The following SLC35F4 variants were observed in gnomAD, a reference collection of about 807,000 sequenced individuals.
SLC35F4 encodes the protein chromosome 14 open reading frame 36.
In SLC35F4, 24 loss-of-function variants were observed where a neutral mutation model predicts 44.2. The observed-to-expected ratio is 0.54, with a 90% CI of 0.39 to 0.76. The LOEUF is 0.76. SLC35F4 is among the 30% of genes least tolerant of loss of function. SLC35F4 has a pLI of 0.00. For missense variants in SLC35F4, 562 were observed against 586.1 expected (o/e 0.96, Z 0.42); for synonymous variants, 238 against 223.6 (o/e 1.06, Z -0.57).
rs548670541 is a variant in SLC35F4, at chr14:57,651,493, G to A, written c.104-57369C>T. On this transcript the variant is annotated intron_variant, in intron 1 of 7. Transcript: ENST00000556826. The stretch of plus-strand genomic sequence containing the variant: ...CTTGGCAGTGCTGGGGACAGGTGAG[G>A]TACAGCAGCCGTCACAGATACCGAG... Among the ~76,000 whole-genome samples, 4 of 152,178 alleles carry A rather than the reference G, an allele frequency of 2.6e-5. No individual in the cohort carries two copies. In the South Asian group the frequency reaches 8.3e-4, roughly 32 times the overall value.
intron 1 of SLC35F4, among the ~76,000 whole-genome samples, chr14:57,944,759 G>C (rs1427166875): frequency 7.1e-6 from 1 of 141,022 alleles, no homozygotes; most frequent in African/African-American, 2.6e-5. Context: ...AAGAAGAAAG[G>C]AAGAAAGAAA....
intron 1 of SLC35F4, among the ~76,000 whole-genome samples, chr14:57,700,849 T>C (rs2075518921): frequency 6.6e-6 from 1 of 152,130 alleles, no homozygotes; most frequent in African/African-American, 2.4e-5. Context: ...GGTGCTGCAG[T>C]GAGCCAAGAT....
At chr14:57,739,288 A>T (rs1212528512) in intron 1 of SLC35F4, among the ~76,000 whole-genome samples, 1 of 152,186 alleles carries the variant, frequency 6.6e-6, no homozygotes, top group Non-Finnish European at 1.5e-5. Flanking sequence ...GAGACACCTC[A>T]CTCCAGGACT....
chr14:57,937,602 A>G (rs1197160738), intron 1 of SLC35F4, among the ~76,000 whole-genome samples: 1 of 42,868 alleles, frequency 2.3e-5, no homozygotes, highest in African/African-American at 1.0e-4. Context: ...AAAGAAAAGA[A>G]AAGAAAAGAA....
Position 57,679,152 on chromosome 14 carries a change from A to C in SLC35F4, c.104-85028T>G, listed in dbSNP as rs533371108. Among the ~76,000 whole-genome samples, 6 of 152,240 alleles carry C rather than the reference A, an allele frequency of 3.9e-5. No individual in the cohort carries two copies. In the East Asian group the frequency reaches 9.6e-4, roughly 24 times the overall value. ...AAACACTCCTCTGCAAATGCAAAAG[A>C]ATGAAAATCATAACAAAGAGTCTCT... On this transcript the variant is annotated intron_variant, in intron 1 of 7. Transcript: ENST00000556826.
chr14:57,793,832 C>A (rs944569560), intron 1 of SLC35F4, among the ~76,000 whole-genome samples: 1 of 152,090 alleles, frequency 6.6e-6, no homozygotes, highest in African/African-American at 2.4e-5. Context: ...TACTAATTTA[C>A]ATTCTCTGTG....
At chr14:57,734,646 T>C (rs1424455827) in intron 1 of SLC35F4, among the ~76,000 whole-genome samples, 2 of 152,188 alleles carry the variant, frequency 1.3e-5, no homozygotes, top group Non-Finnish European at 1.5e-5. Context: ...CAATATATAC[T>C]GAATCAATGT....
At position 57,581,230 on chromosome 14, in the gene SLC35F4, C is replaced by G. The variant is rs138053511; in HGVS notation, c.791G>C (p.Arg264Thr). 3.2e-6 allele frequency: 5 copies of G among 1,580,292 alleles called. No individual in the cohort carries two copies. In the East Asian group the frequency reaches 6.8e-5, roughly 21 times the overall value. Residue 264 changes from arginine to threonine, a missense_variant, in exon 4 of 8, where the codon AGG becomes ACG. Physicochemically the swap from Arg to Thr is moderately conservative, Grantham distance 71. Transcript: ENST00000556826. ...FLLSWIVLKDRFMGVRIVAAI... is the reference protein window; with the variant it reads ...FLLSWIVLKDTFMGVRIVAAI... ...TGCCATTACCCTCACTCCCATGAAC[C>G]TGTCTTTCAGCACAATCCATGACAG...
At chr14:57,865,210 A>G (rs1566914483) in intron 1 of SLC35F4, among the ~76,000 whole-genome samples, 1 of 151,996 alleles carries the variant, frequency 6.6e-6, no homozygotes, top group African/African-American at 2.4e-5. Flanking sequence ...CAGCGTCTCA[A>G]CAGCCCGGAG....
intron 1 of SLC35F4, among the ~76,000 whole-genome samples, chr14:57,964,768 G>T (rs1160127795): frequency 1.3e-5 from 2 of 152,162 alleles, no homozygotes; most frequent in East Asian, 3.9e-4. Context: ...CACCATGGCA[G>T]TGAAGGGTGG....
chr14:57,961,237 A>G (rs1890334346), intron 1 of SLC35F4, among the ~76,000 whole-genome samples: 1 of 152,140 alleles, frequency 6.6e-6, no homozygotes, highest in South Asian at 2.1e-4. Context: ...ACCAAATACC[A>G]TCTCTTGAAA....
At chr14:57,611,477 G>A (rs1045572402) in intron 1 of SLC35F4, among the ~76,000 whole-genome samples, 1 of 151,768 alleles carries the variant, frequency 6.6e-6, no homozygotes, top group Non-Finnish European at 1.5e-5. Context: ...ACAGTCCTGG[G>A]AAATGCTGTT....
intron 1 of SLC35F4, among the ~76,000 whole-genome samples, chr14:57,944,075 G>A (rs151306020): frequency 1.3e-5 from 2 of 151,916 alleles, no homozygotes; most frequent in African/African-American, 2.4e-5. Flanking sequence ...TCCTCCACAC[G>A]AGCTCCACAC....
At chr14:57,880,184 A>C (rs1329720703) in intron 1 of SLC35F4, among the ~76,000 whole-genome samples, 2 of 152,192 alleles carry the variant, frequency 1.3e-5, no homozygotes, top group Non-Finnish European at 2.9e-5. Context: ...GGGGATAAAA[A>C]CACAACTTAC....
intron 1 of SLC35F4, among the ~76,000 whole-genome samples, chr14:57,692,348 AC>A (rs1476913553): frequency 6.6e-6 from 1 of 152,036 alleles, no homozygotes; most frequent in African/African-American, 2.4e-5. Context: ...GGATGGTGGT[AC>A]CCCTTTAAAA....
At chr14:57,739,374 G>A (rs2076547929) in intron 1 of SLC35F4, among the ~76,000 whole-genome samples, 1 of 152,124 alleles carries the variant, frequency 6.6e-6, no homozygotes, top group Non-Finnish European at 1.5e-5. Flanking sequence ...CTCTTTTATT[G>A]ACTGCTGGAA....
At chr14:57,647,526 G>C (rs181512679) in intron 1 of SLC35F4, among the ~76,000 whole-genome samples, 1 of 152,104 alleles carries the variant, frequency 6.6e-6, no homozygotes, top group Admixed American at 6.6e-5. Flanking sequence ...GTAATTCCTG[G>C]TGGCATTACT....
At chr14:57,843,086 A>C (rs1039843807) in intron 1 of SLC35F4, among the ~76,000 whole-genome samples, 1 of 152,154 alleles carries the variant, frequency 6.6e-6, no homozygotes, top group Non-Finnish European at 1.5e-5. Flanking sequence ...CACAGAATGA[A>C]GGCATTGTCG....
chr14:57,922,624 G>A (rs1014898340), intron 1 of SLC35F4, among the ~76,000 whole-genome samples: 1 of 152,142 alleles, frequency 6.6e-6, no homozygotes, highest in Non-Finnish European at 1.5e-5. Flanking sequence ...CCTCTGCTCT[G>A]TGTTCTGTTG....
Sources: gnomAD v4.1 joint callset for allele counts (sites outside exome capture counted in the v4.1 genomes callset) on GRCh38, gnomAD v4.1.1 for gene constraint, MANE v1.5 for transcripts, NCBI Gene and HGNC (gene_info 2026-07-23, HGNC 2026-07-21) for gene names.